Variants in SUCLG2 observed in about 807,000 individuals in gnomAD.
The protein encoded by SUCLG2 is succinate--CoA ligase [GDP-forming] subunit beta, mitochondrial.
In SUCLG2, 42 loss-of-function variants were observed where a neutral mutation model predicts 47.9. That is an observed-to-expected ratio of 0.88 (90% CI 0.69 to 1.14). SUCLG2 has a LOEUF of 1.14. Among genes scored for constraint, SUCLG2 ranks in the 50% most tolerant of loss-of-function variants. The pLI, the probability that SUCLG2 is intolerant of heterozygous loss-of-function variation, is 0.00. For missense variants in SUCLG2, 571 were observed against 525.9 expected (o/e 1.09, Z -0.84); for synonymous variants, 195 against 197.3 (o/e 0.99, Z 0.10).
chr3:67,442,220 C>T (rs909532322), intron 9 of SUCLG2, among the ~76,000 whole-genome samples: 41 of 151,956 alleles, frequency 2.7e-4, no homozygotes, highest in African/African-American at 8.9e-4. Context: ...CCGTTTTAGC[C>T]GGGATGGTCT....
chr3:67,648,653 T>A (rs1559612334), intron 1 of SUCLG2, among the ~76,000 whole-genome samples: 1 of 152,204 alleles, frequency 6.6e-6, no homozygotes, highest in African/African-American at 2.4e-5. Context: ...AGAAATAATG[T>A]GTGGAGATTA....
At chr3:67,555,245 C>A (rs976324578) in intron 2 of SUCLG2, among the ~76,000 whole-genome samples, 8 of 151,976 alleles carry the variant, frequency 5.3e-5, no homozygotes, top group African/African-American at 1.9e-4. Flanking sequence ...AATATAAACC[C>A]AATATTTTTG....
intron 2 of SUCLG2, among the ~76,000 whole-genome samples, chr3:67,572,932 T>C (rs568702848): frequency 6.6e-6 from 1 of 152,202 alleles, no homozygotes; most frequent in East Asian, 1.9e-4. Flanking sequence ...AAGGAATCAA[T>C]TTTAAACACA....
intron 5 of SUCLG2, among the ~76,000 whole-genome samples, chr3:67,519,913 C>T (rs1706048643): frequency 6.6e-6 from 1 of 152,070 alleles, no homozygotes. Flanking sequence ...GAAACTTGTG[C>T]TCTGATTAAA....
At chr3:67,420,357 G>A (rs1328993360) in intron 9 of SUCLG2, among the ~76,000 whole-genome samples, 1 of 152,178 alleles carries the variant, frequency 6.6e-6, no homozygotes, top group Non-Finnish European at 1.5e-5. Context: ...GGTGGTAAGT[G>A]AGAAAGATAA....
intron 7 of SUCLG2, among the ~76,000 whole-genome samples, chr3:67,498,841 ACT>A (rs1484237946): frequency 6.6e-6 from 1 of 152,244 alleles, no homozygotes; most frequent in East Asian, 1.9e-4. Context: ...TCCTTAACTA[ACT>A]CTGTAACATT....
At chr3:67,454,277 T>G (rs1184794259) in intron 9 of SUCLG2, among the ~76,000 whole-genome samples, 1 of 152,100 alleles carries the variant, frequency 6.6e-6, no homozygotes, top group Non-Finnish European at 1.5e-5. Flanking sequence ...ATAGAGTAAT[T>G]GTTGAATAAA....
At chr3:67,631,584 A>G (rs181875681) in intron 1 of SUCLG2, among the ~76,000 whole-genome samples, 2 of 152,274 alleles carry the variant, frequency 1.3e-5, no homozygotes, top group Non-Finnish European at 2.9e-5. Flanking sequence ...CTGAGATCAC[A>G]CCACTACACT....
At chr3:67,518,475 ACCGCAGATG>A in intron 5 of SUCLG2, 139 bp from the exon 6 acceptor site, 1 of 716,688 alleles carries the variant, frequency 1.4e-6, no homozygotes, top group East Asian at 2.8e-5. Context: ...GAGCAGGGCT[ACCGCAGATG>A]CCTGTAGGGT....
chr3:67,370,796 A>G (rs570330723), downstream of SUCLG2, among the ~76,000 whole-genome samples: 1 of 152,338 alleles, frequency 6.6e-6, no homozygotes, highest in East Asian at 1.9e-4. Flanking sequence ...GTAGCTGACC[A>G]CAGGTAACTA....
At chr3:67,529,902 G>A (rs1299866480) in intron 2 of SUCLG2, among the ~76,000 whole-genome samples, 1 of 152,226 alleles carries the variant, frequency 6.6e-6, no homozygotes, top group East Asian at 1.9e-4. Context: ...TTGCAGGGAA[G>A]TTGGGTGCAT....
intron 9 of SUCLG2, among the ~76,000 whole-genome samples, chr3:67,409,966 A>C (rs1438529532): frequency 6.6e-6 from 1 of 152,230 alleles, no homozygotes; most frequent in Non-Finnish European, 1.5e-5. Flanking sequence ...ACGAAGTATT[A>C]GACCTAAGTA....
At chr3:67,591,897 C>T (rs989836692) in intron 2 of SUCLG2, among the ~76,000 whole-genome samples, 1 of 152,164 alleles carries the variant, frequency 6.6e-6, no homozygotes, top group African/African-American at 2.4e-5. Context: ...TTAAATAGTT[C>T]TACCTTGTCT....
chr3:67,581,037 T>C (rs1707866407), intron 2 of SUCLG2, among the ~76,000 whole-genome samples: 1 of 152,198 alleles, frequency 6.6e-6, no homozygotes, highest in Admixed American at 6.5e-5. Flanking sequence ...TCTGGTACCT[T>C]GTAAGGTAAA....
At chr3:67,411,957 G>C (rs1178033291) in intron 9 of SUCLG2, among the ~76,000 whole-genome samples, 2 of 152,122 alleles carry the variant, frequency 1.3e-5, no homozygotes, top group Non-Finnish European at 2.9e-5. Context: ...TCCCTGGGCA[G>C]GGCTGGTGCC....
intron 9 of SUCLG2, among the ~76,000 whole-genome samples, chr3:67,436,708 T>C (rs1188681421): frequency 6.6e-6 from 1 of 152,206 alleles, no homozygotes; most frequent in Non-Finnish European, 1.5e-5. Flanking sequence ...TATTTTTGTA[T>C]AAACATCTCA....
intron 10 of SUCLG2, among the ~76,000 whole-genome samples, chr3:67,368,507 C>T (rs1222789996): frequency 6.6e-6 from 1 of 152,006 alleles, no homozygotes; most frequent in Non-Finnish European, 1.5e-5. Context: ...TCTCCTAGTT[C>T]CTTTAATTTC....
intron 1 of SUCLG2, among the ~76,000 whole-genome samples, chr3:67,653,046 T>C (rs557158672): frequency 1.1e-4 from 16 of 152,376 alleles, no homozygotes; most frequent in Admixed American, 6.5e-4. Flanking sequence ...CAACCAGATT[T>C]TCTCCTGTGT....
chr3:67,433,560 T>C (rs1359100828), intron 9 of SUCLG2, among the ~76,000 whole-genome samples: 2 of 152,062 alleles, frequency 1.3e-5, no homozygotes, highest in Non-Finnish European at 2.9e-5. Flanking sequence ...TGCTAGCTGC[T>C]GTGTGAGGAA....
Sources: allele counts gnomAD v4.1 joint callset (sites outside exome capture counted in the v4.1 genomes callset), GRCh38; gene constraint gnomAD v4.1.1; transcripts MANE v1.5; gene names NCBI Gene and HGNC (gene_info 2026-07-23, HGNC 2026-07-21).